Variants in ENTPD1 observed in about 807,000 individuals in gnomAD.
The protein encoded by ENTPD1 is ATP diphosphohydrolase.
ENTPD1 carries 33 observed loss-of-function variants against 57.0 expected under a neutral mutation model. That is an observed-to-expected ratio of 0.58 (90% confidence interval 0.44 to 0.77). The LOEUF (loss-of-function observed/expected upper bound fraction) is 0.77. Ranked by LOEUF, ENTPD1 falls within the 30% of genes least tolerant of loss-of-function variation. The probability of loss-of-function intolerance (pLI) is 0.00; values close to 1 mark genes in which losing one functional copy is unlikely to be tolerated. For synonymous variants in ENTPD1, 202 were observed against 218.8 expected (o/e 0.92, Z 0.68); for missense variants, 501 against 603.4 (o/e 0.83, Z 1.78).
chr10:95,759,952 A>T (rs955076665), intron 1 of ENTPD1, among the ~76,000 whole-genome samples: 3 of 152,156 alleles, frequency 2.0e-5, no homozygotes, highest in African/African-American at 7.2e-5. Context: ...AAAGTCTGGG[A>T]TCCTAATGGA....
intron 4 of ENTPD1, among the ~76,000 whole-genome samples, chr10:95,844,026 G>A (rs2098428150): frequency 1.3e-5 from 2 of 152,146 alleles, no homozygotes; most frequent in African/African-American, 4.8e-5. Context: ...TTTGCCACCT[G>A]GTTTCTACTA....
intron 1 of ENTPD1, among the ~76,000 whole-genome samples, chr10:95,811,167 C>T (rs1425806822): frequency 2.6e-5 from 4 of 152,196 alleles, no homozygotes; most frequent in Non-Finnish European, 4.4e-5. Flanking sequence ...AAATTTCCCT[C>T]AAAATAGAAC....
At chr10:95,733,157 C>T (rs1405731736) in intron 1 of ENTPD1, among the ~76,000 whole-genome samples, 1 of 152,178 alleles carries the variant, frequency 6.6e-6, no homozygotes, top group Non-Finnish European at 1.5e-5. Context: ...AGACCTACCC[C>T]TGGGAATGCA....
chr10:95,709,314 A>C (rs1231211859), upstream of ENTPD1, among the ~76,000 whole-genome samples: 4 of 152,112 alleles, frequency 2.6e-5, no homozygotes, highest in African/African-American at 9.7e-5. Context: ...ACCACAGTAA[A>C]GATACAGAGC....
At chr10:95,857,211 C>T (rs1311588384) in intron 7 of ENTPD1, among the ~76,000 whole-genome samples, 1 of 152,124 alleles carries the variant, frequency 6.6e-6, no homozygotes, top group African/African-American at 2.4e-5. Context: ...CCAGGAGGCC[C>T]TGCTGACTTG....
intron 2 of ENTPD1, among the ~76,000 whole-genome samples, chr10:95,833,334 A>T (rs1034026143): frequency 8.5e-5 from 13 of 152,254 alleles, no homozygotes; most frequent in African/African-American, 3.1e-4. Context: ...TGTGGTTTGT[A>T]TTAAAGATCT....
chr10:95,752,356 C>G (rs1037771834), upstream of ENTPD1, among the ~76,000 whole-genome samples: 1 of 152,108 alleles, frequency 6.6e-6, no homozygotes, highest in Non-Finnish European at 1.5e-5. Context: ...ATAAAATAGA[C>G]ATAAAAGTTA....
chr10:95,804,558 G>A (rs903647201), intron 1 of ENTPD1, among the ~76,000 whole-genome samples: 6 of 152,234 alleles, frequency 3.9e-5, no homozygotes, highest in African/African-American at 1.4e-4. Context: ...CTTTGCTGAA[G>A]TTGCTTATCA....
chr10:95,809,354 A>C (rs1589940151), intron 1 of ENTPD1, among the ~76,000 whole-genome samples: 3 of 131,966 alleles, frequency 2.3e-5, no homozygotes, highest in Admixed American at 7.5e-5. Context: ...GGCGCCCCCC[A>C]CCCCCAAGAC....
At chr10:95,848,411 G>A (rs188934136) in intron 7 of ENTPD1, among the ~76,000 whole-genome samples, 1 of 152,202 alleles carries the variant, frequency 6.6e-6, no homozygotes, top group East Asian at 1.9e-4. Context: ...GCAGAATCGG[G>A]GGAGAGGTGA....
At chr10:95,731,902 C>G (rs911887151) in intron 1 of ENTPD1, among the ~76,000 whole-genome samples, 3 of 148,144 alleles carry the variant, frequency 2.0e-5, no homozygotes, top group Non-Finnish European at 3.0e-5. Flanking sequence ...GAAGTCTCAG[C>G]TTCCCGAGTA....
At chr10:95,712,145 G>A (rs181040757) in intron 1 of ENTPD1, 18 of 1,037,272 alleles carry the variant, frequency 1.7e-5, no homozygotes, top group Non-Finnish European at 2.5e-5. Flanking sequence ...TGGGTGTAGC[G>A]ACTCTGGTGT....
intron 1 of ENTPD1, among the ~76,000 whole-genome samples, chr10:95,805,194 T>A (rs1331857280): frequency 6.6e-6 from 1 of 152,224 alleles, no homozygotes; most frequent in Non-Finnish European, 1.5e-5. Flanking sequence ...GCATATATAC[T>A]TAGGATAGTT....
At chr10:95,865,529 G>A (rs1590216138) in intron 9 of ENTPD1, among the ~76,000 whole-genome samples, 1 of 152,184 alleles carries the variant, frequency 6.6e-6, no homozygotes, top group South Asian at 2.1e-4. Context: ...TTTACCCCCT[G>A]TATTAAATAT....
chr10:95,837,761 C>G (rs917678830), intron 2 of ENTPD1, among the ~76,000 whole-genome samples: 4 of 152,096 alleles, frequency 2.6e-5, no homozygotes, highest in African/African-American at 9.7e-5. Context: ...AATCCTATTT[C>G]TTGTCTTCTT....
At chr10:95,765,346 CT>C (rs1420535199) in intron 1 of ENTPD1, among the ~76,000 whole-genome samples, 1 of 152,136 alleles carries the variant, frequency 6.6e-6, no homozygotes, top group African/African-American at 2.4e-5. Context: ...TTTTAATCCA[CT>C]TTGAGTTAGT....
Position 95,868,929 on chromosome 10 carries a change from A to C in ENTPD1, c.*2546A>C. 1.0e-6 allele frequency: 1 copy of C among 985,414 alleles called. No homozygotes were observed. The highest frequency in any genetic ancestry group is 1.2e-6 in the Non-Finnish European group (1 of 829,934). The allele number at this position is 985,414 out of a possible 1,614,324, so 61.0% of individuals were successfully genotyped here. Reference sequence around the variant, plus strand: ...TGTTAAAATCTCAAATTATGGAGACAATCAGCAGACACAACCTAACCCCAA... The same window carrying C: ...TGTTAAAATCTCAAATTATGGAGACCATCAGCAGACACAACCTAACCCCAA... On this transcript the variant is annotated 3_prime_UTR_variant, in exon 10 of 10. Coordinates refer to ENST00000371205, the MANE Select transcript of ENTPD1 (RefSeq NM_001776.6).
At chr10:95,730,586 T>C (rs1025015979) in intron 1 of ENTPD1, among the ~76,000 whole-genome samples, 2 of 152,174 alleles carry the variant, frequency 1.3e-5, no homozygotes, top group African/African-American at 4.8e-5. Flanking sequence ...GAAACTGATA[T>C]ATAATTAGAA....
intron 1 of ENTPD1, among the ~76,000 whole-genome samples, chr10:95,737,339 G>A: frequency 6.6e-6 from 1 of 151,360 alleles, no homozygotes. Flanking sequence ...GCCTAATTTA[G>A]AAATGGAAAA....
Sources: gnomAD v4.1 joint callset for allele counts (sites outside exome capture counted in the v4.1 genomes callset) on GRCh38, gnomAD v4.1.1 for gene constraint, MANE v1.5 for transcripts, NCBI Gene and HGNC (gene_info 2026-07-23, HGNC 2026-07-21) for gene names.